Variants in CNTN5 observed in about 807,000 individuals in gnomAD.
The protein encoded by CNTN5 is contactin 5, also known as contactin-5.
CNTN5 carries 77 observed loss-of-function variants against 129.1 expected under a neutral mutation model. The ratio of observed to expected loss-of-function variants is 0.60; its 90% confidence interval spans 0.50 to 0.72. The LOEUF is 0.72. Ranked by LOEUF, CNTN5 falls within the 30% of genes least tolerant of loss-of-function variation. CNTN5 has a pLI of 0.00. For synonymous variants in CNTN5, 509 were observed against 465.6 expected (o/e 1.09, Z -1.20); for missense variants, 1,478 against 1,328.8 (o/e 1.11, Z -1.75).
intron 13 of CNTN5, among the ~76,000 whole-genome samples, chr11:100,106,229 GT>G (rs1262133765): frequency 6.6e-6 from 1 of 152,144 alleles, no homozygotes; most frequent in Non-Finnish European, 1.5e-5. Flanking sequence ...TTCACTCACA[GT>G]TGACTAGTCA....
rs61042118 is a variant in CNTN5, at chr11:100,072,990, C to CAAAAAAAAAAAAAAAAAAAAAAAAAA, written c.1430-1133_1430-1132insAAAAAAAAAAAAAAAAAAAAAAAAAA. Among the ~76,000 whole-genome samples the CAAAAAAAAAAAAAAAAAAAAAAAAAA allele has an allele frequency of 1.4e-4, 11 of 79,056 alleles. 2 individuals are homozygous for CAAAAAAAAAAAAAAAAAAAAAAAAAA. The highest frequency in any genetic ancestry group is 6.7e-4 in the African/African-American group (11 of 16,508). 51.9% of individuals were successfully genotyped at this position (79,056 alleles called of 152,430 possible). Reference sequence around the variant, plus strand: ...TTTTGTAAATTCTATTCCCAGGAGGCAAAAAAAAAAAAAAAAAAAAAGTTA... The same window carrying CAAAAAAAAAAAAAAAAAAAAAAAAAA: ...TTTTGTAAATTCTATTCCCAGGAGGCAAAAAAAAAAAAAAAAAAAAAAAAAAAAAAAAAAAAAAAAAAAAAAAGTTA... On this transcript the variant is annotated intron_variant, in intron 12 of 24. Coordinates refer to ENST00000524871, the MANE Select transcript of CNTN5 (RefSeq NM_014361.4).
intron 3 of CNTN5, among the ~76,000 whole-genome samples, chr11:99,739,005 T>C (rs1238813248): frequency 3.9e-5 from 6 of 152,156 alleles, no homozygotes; most frequent in Middle Eastern, 3.2e-3. Flanking sequence ...GTAATAAATA[T>C]AGACGATAGA....
chr11:99,083,330 T>C (rs1044925375), intron 1 of CNTN5, among the ~76,000 whole-genome samples: 3 of 152,186 alleles, frequency 2.0e-5, no homozygotes, highest in African/African-American at 7.2e-5. Flanking sequence ...CCAAAACAAC[T>C]GTAGTCTCAA....
At chr11:99,123,041 A>C (rs1248661371) in intron 1 of CNTN5, among the ~76,000 whole-genome samples, 1 of 152,130 alleles carries the variant, frequency 6.6e-6, no homozygotes, top group Non-Finnish European at 1.5e-5. Context: ...AACAAGTTAT[A>C]TTCTTTTGGG....
chr11:100,063,078 A>G (rs1035643130), intron 10 of CNTN5, among the ~76,000 whole-genome samples: 1 of 152,172 alleles, frequency 6.6e-6, no homozygotes, highest in African/African-American at 2.4e-5. Flanking sequence ...ATCAGAGGAA[A>G]GTACGAATTC....
At chr11:100,085,097 G>A (rs1418353019) in intron 13 of CNTN5, among the ~76,000 whole-genome samples, 1 of 152,002 alleles carries the variant, frequency 6.6e-6, no homozygotes, top group African/African-American at 2.4e-5. Flanking sequence ...AATAATTTTG[G>A]GGAGAGAATG....
intron 7 of CNTN5, among the ~76,000 whole-genome samples, chr11:99,924,352 C>T (rs1436278987): frequency 2.0e-5 from 3 of 151,964 alleles, no homozygotes; most frequent in Non-Finnish European, 4.4e-5. Context: ...CTTAGGTTTT[C>T]TTCTAGGATT....
intron 6 of CNTN5, among the ~76,000 whole-genome samples, chr11:99,901,725 G>A (rs780310821): frequency 1.3e-5 from 2 of 152,030 alleles, no homozygotes; most frequent in African/African-American, 4.8e-5. Context: ...ACATATGCAT[G>A]CAATTAATAT....
intron 8 of CNTN5, among the ~76,000 whole-genome samples, chr11:99,990,394 C>A (rs1291760762): frequency 2.1e-5 from 3 of 146,120 alleles, no homozygotes; most frequent in African/African-American, 5.1e-5. Flanking sequence ...GGCTATTTTC[C>A]AAAAAAAAAT....
intron 13 of CNTN5, among the ~76,000 whole-genome samples, chr11:100,146,272 A>T (rs1264939327): frequency 2.0e-5 from 3 of 152,172 alleles, no homozygotes; most frequent in African/African-American, 7.2e-5. Context: ...CTCAAAATGT[A>T]GGCAGTGATT....
intron 4 of CNTN5, among the ~76,000 whole-genome samples, chr11:99,839,685 G>T (rs1947416903): frequency 6.6e-6 from 1 of 151,962 alleles, no homozygotes; most frequent in African/African-American, 2.4e-5. Flanking sequence ...TAAGATAATA[G>T]AATATGATAT....
chr11:99,799,101 G>T (rs1009199107), intron 3 of CNTN5, among the ~76,000 whole-genome samples: 1 of 151,904 alleles, frequency 6.6e-6, no homozygotes, highest in Non-Finnish European at 1.5e-5. Flanking sequence ...ACTGATTTTT[G>T]TACATTAATT....
At chr11:99,212,918 G>A (rs890498494) in intron 1 of CNTN5, among the ~76,000 whole-genome samples, 1 of 151,972 alleles carries the variant, frequency 6.6e-6, no homozygotes, top group African/African-American at 2.4e-5. Flanking sequence ...CTGTCTGGGC[G>A]CAATGGCTCA....
chr11:99,429,081 T>C (rs1943256124), intron 2 of CNTN5, among the ~76,000 whole-genome samples: 1 of 152,188 alleles, frequency 6.6e-6, no homozygotes, highest in African/African-American at 2.4e-5. Flanking sequence ...ATAAATCTAA[T>C]GTATAATAAT....
intron 1 of CNTN5, among the ~76,000 whole-genome samples, chr11:99,034,563 G>GTTTGT (rs1486034656): frequency 6.6e-6 from 1 of 151,570 alleles, no homozygotes; most frequent in Non-Finnish European, 1.5e-5. Context: ...GCGTAGAGGT[G>GTTTGT]TTTGTAGTAT....
chr11:99,982,133 T>C (rs1013550407), intron 8 of CNTN5, among the ~76,000 whole-genome samples: 4 of 152,204 alleles, frequency 2.6e-5, no homozygotes, highest in Non-Finnish European at 5.9e-5. Context: ...AGCTGATAAC[T>C]TCAGTGAATG....
chr11:99,255,466 C>A (rs1565441545), intron 1 of CNTN5, among the ~76,000 whole-genome samples: 1 of 150,786 alleles, frequency 6.6e-6, no homozygotes, highest in African/African-American at 2.4e-5. Flanking sequence ...TTTAGAATGC[C>A]TAATAATATT....
intron 1 of CNTN5, among the ~76,000 whole-genome samples, chr11:99,109,321 A>C (rs1003710688): frequency 5.3e-5 from 8 of 152,070 alleles, no homozygotes; most frequent in Non-Finnish European, 1.0e-4. Flanking sequence ...AAAATTGTTG[A>C]TTTTTAAAAA....
chr11:99,667,954 G>A (rs1225905487), intron 3 of CNTN5, among the ~76,000 whole-genome samples: 1 of 150,858 alleles, frequency 6.6e-6, no homozygotes, highest in Non-Finnish European at 1.5e-5. Context: ...TAAAGCAAAA[G>A]AAAAAAAAAA....
Sources: gnomAD v4.1 joint callset for allele counts (sites outside exome capture counted in the v4.1 genomes callset) on GRCh38, gnomAD v4.1.1 for gene constraint, MANE v1.5 for transcripts, NCBI Gene and HGNC (gene_info 2026-07-23, HGNC 2026-07-21) for gene names.